The following CIMIP6 variants were observed in gnomAD, a reference collection of about 807,000 sequenced individuals.
CIMIP6 encodes ciliary microtubule inner protein 6.
the CIMIP6 span, among the ~76,000 whole-genome samples, chr2:54,340,434 AT>A: frequency 6.6e-6 from 1 of 152,230 alleles, no homozygotes; most frequent in Non-Finnish European, 1.5e-5. Flanking sequence ...TCTTTTATGA[AT>A]AAATGCTTGG....
At chr2:54,382,254 C>A in the CIMIP6 span, among the ~76,000 whole-genome samples, 12,146 of 152,132 alleles carry the variant, frequency 0.08, 613 homozygotes, top group African/African-American at 0.13. Context: ...GTCCAAAGAG[C>A]TCTAAGAGTA....
chr2:54,379,999 T>C, the CIMIP6 span, among the ~76,000 whole-genome samples: 1 of 149,058 alleles, frequency 6.7e-6, no homozygotes, highest in Non-Finnish European at 1.5e-5. Flanking sequence ...AAAAATTAGC[T>C]TGGTGTGGTG....
chr2:54,376,075 G>A, the CIMIP6 span, among the ~76,000 whole-genome samples: 1 of 152,150 alleles, frequency 6.6e-6, no homozygotes, highest in Admixed American at 6.5e-5. Flanking sequence ...TCACTCTGTT[G>A]CCAAGTCTGG....
At chr2:54,331,884 G>A in the CIMIP6 span, among the ~76,000 whole-genome samples, 1 of 152,170 alleles carries the variant, frequency 6.6e-6, no homozygotes, top group Non-Finnish European at 1.5e-5. Context: ...ACACTTGAAC[G>A]TGCATAAGAA....
the CIMIP6 span, among the ~76,000 whole-genome samples, chr2:54,345,517 T>C: frequency 6.6e-6 from 1 of 152,214 alleles, no homozygotes; most frequent in Non-Finnish European, 1.5e-5. Context: ...TTCTTGCATC[T>C]GCTGTTTTTC....
chr2:54,345,429 T>C, the CIMIP6 span, among the ~76,000 whole-genome samples: 1 of 152,182 alleles, frequency 6.6e-6, no homozygotes, highest in Non-Finnish European at 1.5e-5. Context: ...ATGCTTTCCT[T>C]CTGGTATAGG....
the CIMIP6 span, among the ~76,000 whole-genome samples, chr2:54,359,490 C>T: frequency 6.6e-6 from 1 of 151,778 alleles, no homozygotes; most frequent in Non-Finnish European, 1.5e-5. Context: ...GCATGCTGGG[C>T]ACAGTGACTT....
At chr2:54,337,709 C>T in the CIMIP6 span, among the ~76,000 whole-genome samples, 8 of 152,302 alleles carry the variant, frequency 5.3e-5, no homozygotes, top group South Asian at 1.7e-3. Context: ...TTAAGAGCTG[C>T]TATCATCAAG....
At chr2:54,331,321 A>C in the CIMIP6 span, among the ~76,000 whole-genome samples, 2 of 152,116 alleles carry the variant, frequency 1.3e-5, no homozygotes, top group African/African-American at 2.4e-5. Context: ...CATCACTTTC[A>C]GTACTGTGCC....
the CIMIP6 span, chr2:54,335,073 T>C: frequency 7.0e-7 from 1 of 1,431,088 alleles, no homozygotes; most frequent in Non-Finnish European, 9.5e-7. Context: ...ATTCAGATGC[T>C]GTTTTGCAGA....
At chr2:54,349,588 G>C in the CIMIP6 span, among the ~76,000 whole-genome samples, 1 of 152,262 alleles carries the variant, frequency 6.6e-6, no homozygotes, top group East Asian at 1.9e-4. Context: ...CATCAAATGA[G>C]GCTTCTTTCA....
the CIMIP6 span, chr2:54,383,876 T>A: frequency 2.0e-5 from 3 of 152,108 alleles, no homozygotes; most frequent in African/African-American, 7.2e-5. Context: ...GCGATTTTCT[T>A]ATAAAAGGAC....
the CIMIP6 span, among the ~76,000 whole-genome samples, chr2:54,378,656 A>AG: frequency 6.6e-6 from 1 of 152,386 alleles, no homozygotes; most frequent in East Asian, 1.9e-4. Flanking sequence ...TCTAACAAAA[A>AG]TAACTAAAGC....
the CIMIP6 span, chr2:54,359,015 A>T: frequency 6.4e-7 from 1 of 1,557,244 alleles, no homozygotes; most frequent in Non-Finnish European, 8.7e-7. Flanking sequence ...TATAGAATAC[A>T]TCTCTTTTAT....
At chr2:54,381,104 C>T in the CIMIP6 span, among the ~76,000 whole-genome samples, 1 of 152,126 alleles carries the variant, frequency 6.6e-6, no homozygotes, top group African/African-American at 2.4e-5. Context: ...CATCTCTCTG[C>T]CCAGGAATTT....
chr2:54,357,497 C>G, the CIMIP6 span, among the ~76,000 whole-genome samples: 1 of 152,124 alleles, frequency 6.6e-6, no homozygotes, highest in African/African-American at 2.4e-5. Flanking sequence ...ACCCAGTTCT[C>G]TTTCCCTACA....
the CIMIP6 span, among the ~76,000 whole-genome samples, chr2:54,373,078 C>A: frequency 1.6e-3 from 242 of 152,176 alleles, 1 homozygote; most frequent in African/African-American, 5.7e-3. Flanking sequence ...CCTTCTCACA[C>A]CCTGTCCCTT....
the CIMIP6 span, among the ~76,000 whole-genome samples, chr2:54,378,624 A>G: frequency 6.6e-5 from 10 of 152,248 alleles, no homozygotes; most frequent in Non-Finnish European, 1.0e-4. Flanking sequence ...TATAATTAAC[A>G]ATAAAATGCA....
the CIMIP6 span, among the ~76,000 whole-genome samples, chr2:54,357,998 C>T: frequency 9.2e-5 from 14 of 152,126 alleles, no homozygotes; most frequent in African/African-American, 3.4e-4. Flanking sequence ...AAATAACCTT[C>T]TCTGCTGAAA....
Sources: gnomAD v4.1 joint callset for allele counts (sites outside exome capture counted in the v4.1 genomes callset) on GRCh38, gnomAD v4.1.1 for gene constraint, MANE v1.5 for transcripts, NCBI Gene and HGNC (gene_info 2026-07-23, HGNC 2026-07-21) for gene names.